The following TENM2 variants were observed in gnomAD, a reference collection of about 807,000 sequenced individuals.
TENM2 encodes the protein teneurin transmembrane protein 2.
TENM2 carries 52 observed loss-of-function variants against 245.2 expected under a neutral mutation model. That is an observed-to-expected ratio of 0.21 (90% confidence interval 0.17 to 0.27). TENM2 has a LOEUF of 0.27. TENM2 is among the 10% of genes least tolerant of loss of function. The pLI is 1.00. For missense variants in TENM2, 3,046 were observed against 3,666.8 expected, an observed-to-expected ratio of 0.83 and a Z score of 4.37; for synonymous variants, 1,363 against 1,438.9, an observed-to-expected ratio of 0.95 and a Z score of 1.19.
intron 8 of TENM2, among the ~76,000 whole-genome samples, chr5:168,093,413 G>A (rs1290420951): frequency 6.6e-6 from 1 of 152,192 alleles, no homozygotes; most frequent in African/African-American, 2.4e-5. Flanking sequence ...GGCCTGAAAT[G>A]CAGGGAAAAG....
intron 2 of TENM2, among the ~76,000 whole-genome samples, chr5:167,688,206 T>A (rs1479155159): frequency 6.6e-6 from 1 of 152,204 alleles, no homozygotes; most frequent in Non-Finnish European, 1.5e-5. Flanking sequence ...TACCCCTCTG[T>A]CATACTGCTT....
At chr5:168,194,997 T>A (rs1761285121) in intron 14 of TENM2, among the ~76,000 whole-genome samples, 179 bp from the exon 17 acceptor site, 1 of 152,144 alleles carries the variant, frequency 6.6e-6, no homozygotes, top group African/African-American at 2.4e-5. Flanking sequence ...TGACGGGAGA[T>A]GCTGCCCATG....
intron 1 of TENM2, among the ~76,000 whole-genome samples, chr5:167,286,967 C>T (rs1238057370): frequency 2.0e-5 from 3 of 152,202 alleles, no homozygotes; most frequent in Non-Finnish European, 4.4e-5. Context: ...TAACAATTCA[C>T]ACATGCCGCA....
chr5:167,069,947 A>G, the TENM2 span, among the ~76,000 whole-genome samples: 13 of 152,128 alleles, frequency 8.5e-5, no homozygotes, highest in Non-Finnish European at 1.9e-4. Context: ...TTTAATTTCA[A>G]TCAACATATA....
At chr5:167,755,102 T>C in intron 2 of TENM2, 9 of 1,599,116 alleles carry the variant, frequency 5.6e-6, no homozygotes, top group Non-Finnish European at 7.6e-6. Flanking sequence ...CACAATTGAA[T>C]GCAAGCCAGA....
intron 2 of TENM2, among the ~76,000 whole-genome samples, chr5:167,872,528 G>C (rs1362306071): frequency 2.0e-5 from 1 of 50,976 alleles, no homozygotes; most frequent in East Asian, 3.7e-4. Flanking sequence ...AAGAAAGAAA[G>C]AAAGAAAGAA....
chr5:167,989,268 A>AAGAGAGAGAGAGAGAG (rs10617322), intron 4 of TENM2, among the ~76,000 whole-genome samples: 30 of 145,030 alleles, frequency 2.1e-4, no homozygotes, highest in African/African-American at 7.5e-4. Context: ...AAGATAGAGA[A>AAGAGAGAGAGAGAGAG]AGAGAGAGAG....
In TENM2 at chr5:167,509,558, TA is replaced by T. The variant is rs1769785041; in HGVS notation, c.502+134086del. On this transcript the variant is annotated intron_variant, in intron 2 of 28. Transcript: ENST00000518659. The stretch of plus-strand genomic sequence containing the variant: ...ATTATATTTCTTACCTCAGTTGTGA[TA>T]TTTTTATTTGTACCAATGACACACT... 2.6e-5 allele frequency among the ~76,000 whole-genome samples: 4 copies of T among 152,350 alleles called. No homozygotes were observed. The South Asian group carries it at 8.3e-4, about 32-fold the overall frequency.
At chr5:167,318,758 C>T (rs181404943) in intron 1 of TENM2, among the ~76,000 whole-genome samples, 4 of 152,280 alleles carry the variant, frequency 2.6e-5, no homozygotes, top group African/African-American at 7.2e-5. Flanking sequence ...GGTTCCCTGC[C>T]ATTTGCAATA....
chr5:167,919,128 C>G (rs1777162268), intron 3 of TENM2, among the ~76,000 whole-genome samples: 2 of 152,254 alleles, frequency 1.3e-5, no homozygotes, highest in South Asian at 4.2e-4. Flanking sequence ...TTTATCATCC[C>G]AAATTGACAT....
rs142909527 is a variant in TENM2 at position 168,132,853 on chromosome 5, T to C, written c.2422+5887T>C. On this transcript the variant is annotated intron_variant, in intron 12 of 28. Transcript: ENST00000518659. ...GACTCTGGGCTTTCACAATACGCAC[T>C]AAAGATTTTCCATCAAAGGAGAAGG... Among the ~76,000 whole-genome samples the C allele has an allele frequency of 6.6e-5, 10 of 152,312 alleles. No homozygotes were observed. In the East Asian group the frequency reaches 1.7e-3, roughly 26 times the overall value.
chr5:168,009,655 C>T (rs185149022), intron 5 of TENM2, among the ~76,000 whole-genome samples: 83 of 152,314 alleles, frequency 5.4e-4, no homozygotes, highest in Admixed American at 1.3e-3. Context: ...TAGAATTAGC[C>T]TCCAAACTAA....
At chr5:167,411,770 C>G (rs1397508362) in intron 2 of TENM2, among the ~76,000 whole-genome samples, 1 of 152,046 alleles carries the variant, frequency 6.6e-6, no homozygotes, top group African/African-American at 2.4e-5. Flanking sequence ...TATTAAAACT[C>G]AAACCATTTG....
chr5:168,077,911 A>G (rs1222450224), intron 7 of TENM2, among the ~76,000 whole-genome samples: 1 of 152,230 alleles, frequency 6.6e-6, no homozygotes, highest in African/African-American at 2.4e-5. Flanking sequence ...TCTTTATAGC[A>G]GCATGATTTA....
intron 3 of TENM2, among the ~76,000 whole-genome samples, chr5:167,921,095 C>T (rs1437627041): frequency 1.3e-5 from 2 of 152,168 alleles, no homozygotes; most frequent in Non-Finnish European, 2.9e-5. Flanking sequence ...ATCAAATCAA[C>T]CATCTAAGAA....
chr5:167,070,969 C>A, the TENM2 span, among the ~76,000 whole-genome samples: 1 of 152,012 alleles, frequency 6.6e-6, no homozygotes, highest in African/African-American at 2.4e-5. Flanking sequence ...ACTTATCTTT[C>A]GACTAAATTG....
chr5:167,329,724 G>A (rs1757322442), intron 1 of TENM2, among the ~76,000 whole-genome samples: 2 of 152,104 alleles, frequency 1.3e-5, no homozygotes, highest in Admixed American at 1.3e-4. Flanking sequence ...TATGAGAAAT[G>A]TTGAAGCTGA....
intron 12 of TENM2, among the ~76,000 whole-genome samples, chr5:168,140,171 T>G (rs1181884165): frequency 6.6e-6 from 1 of 152,200 alleles, no homozygotes; most frequent in African/African-American, 2.4e-5. Context: ...GGTGATACTT[T>G]GCACTTGCAT....
At chr5:167,501,673 C>T (rs566245872) in intron 2 of TENM2, among the ~76,000 whole-genome samples, 1 of 152,152 alleles carries the variant, frequency 6.6e-6, no homozygotes, top group East Asian at 1.9e-4. Context: ...CTCTAGTTGC[C>T]CTGAATCAGG....
Sources: allele counts gnomAD v4.1 joint callset (sites outside exome capture counted in the v4.1 genomes callset), GRCh38; gene constraint gnomAD v4.1.1; transcripts MANE v1.5; gene names NCBI Gene and HGNC (gene_info 2026-07-23, HGNC 2026-07-21).